The following RAPGEF6 variants were observed in gnomAD, a reference collection of about 807,000 sequenced individuals.
RAPGEF6 encodes PDZ domain containing guanine nucleotide exchange factor (GEF) 2.
A neutral mutation model predicts 171.4 loss-of-function variants in RAPGEF6; 56 were observed. The ratio of observed to expected loss-of-function variants is 0.33; its 90% CI spans 0.26 to 0.41. The LOEUF (loss-of-function observed/expected upper bound fraction) is 0.41. RAPGEF6 is among the 10% of genes least tolerant of loss of function. The probability of loss-of-function intolerance (pLI) is 1.00; values close to 1 mark genes in which losing one functional copy is unlikely to be tolerated. For missense variants in RAPGEF6, 1,674 were observed against 1,921.4 expected (o/e 0.87, Z 2.41); for synonymous variants, 692 against 650.1 (o/e 1.06, Z -0.98).
chr5:131,492,483 T>A (rs1756347150), intron 14 of RAPGEF6, 99 bp downstream of exon 14: 1 of 1,198,608 alleles, frequency 8.3e-7, no homozygotes, highest in African/African-American at 1.5e-5. Context: ...AGAAAAATAT[T>A]TCCTTAAACT....
chr5:131,498,683 C>T lies in RAPGEF6; in HGVS notation c.1255-76G>A, dbSNP rs1014426882. 52 of 1,297,028 alleles carry T rather than the reference C, an allele frequency of 4.0e-5. 1 individual carries two copies. The highest frequency in any genetic ancestry group is 3.6e-4 in the South Asian group (28 of 77,628). 80.3% of individuals were successfully genotyped at this position (1,297,028 alleles called of 1,614,324 possible). A position where few individuals can be genotyped will look rare whatever the true frequency, so the allele number is the denominator to read the frequency against. On this transcript the variant is annotated intron_variant, in intron 11 of 27. Coordinates refer to ENST00000509018, the MANE Select transcript of RAPGEF6 (RefSeq NM_016340.6). ...ACCAAAGAACTATTGTTGATTACTCCGCTTTGTAGCTACTCCATTAGACAA... is the reference window on the plus strand; with the variant it reads ...ACCAAAGAACTATTGTTGATTACTCTGCTTTGTAGCTACTCCATTAGACAA...
At chr5:131,571,411 G>C (rs1283461305) in intron 4 of RAPGEF6, among the ~76,000 whole-genome samples, 2 of 152,078 alleles carry the variant, frequency 1.3e-5, no homozygotes, top group Non-Finnish European at 2.9e-5. Context: ...AAATGAAGCT[G>C]TTTATTCACA....
chr5:131,469,464 T>C (rs1754599212), intron 17 of RAPGEF6, among the ~76,000 whole-genome samples: 1 of 152,130 alleles, frequency 6.6e-6, no homozygotes, highest in Admixed American at 6.5e-5. Context: ...CTGTAAGTTC[T>C]ACATGCAGAT....
At chr5:131,512,791 T>C (rs1042507514) in intron 7 of RAPGEF6, among the ~76,000 whole-genome samples, 1 of 152,120 alleles carries the variant, frequency 6.6e-6, no homozygotes, top group Non-Finnish European at 1.5e-5. Context: ...ATGGGATTAG[T>C]ATATAAGAAG....
intron 8 of RAPGEF6, among the ~76,000 whole-genome samples, chr5:131,508,665 T>A (rs1757521706): frequency 6.6e-6 from 1 of 152,210 alleles, no homozygotes; most frequent in South Asian, 2.1e-4. Flanking sequence ...TCAAGATTTG[T>A]CTAACTAACT....
At chr5:131,501,739 A>G (rs1419600339) in intron 11 of RAPGEF6, among the ~76,000 whole-genome samples, 5 of 152,096 alleles carry the variant, frequency 3.3e-5, no homozygotes, top group Admixed American at 3.3e-4. Context: ...AACAAGAGGC[A>G]TTGTTGGAGA....
chr5:131,502,867 C>T (rs1353786729), intron 11 of RAPGEF6, among the ~76,000 whole-genome samples: 18 of 151,716 alleles, frequency 1.2e-4, no homozygotes, highest in Admixed American at 1.1e-3. Context: ...GGTGTGATCT[C>T]GGCTCACTGC....
chr5:131,516,240 G>A (rs944392684), intron 7 of RAPGEF6, among the ~76,000 whole-genome samples: 1 of 151,846 alleles, frequency 6.6e-6, no homozygotes, highest in African/African-American at 2.4e-5. Flanking sequence ...GCCACCGCAC[G>A]TGGCTACTTT....
chr5:131,433,301 G>T, intron 25 of RAPGEF6, 129 bp downstream of exon 25: 2 of 704,562 alleles, frequency 2.8e-6, no homozygotes, highest in South Asian at 3.5e-5. Context: ...TATGTGCTTG[G>T]CCCACATATT....
chr5:131,471,686 C>T (rs1754748828), intron 17 of RAPGEF6, among the ~76,000 whole-genome samples: 1 of 151,822 alleles, frequency 6.6e-6, no homozygotes, highest in Non-Finnish European at 1.5e-5. Context: ...TTCTTTGTAA[C>T]AAAACTTTAG....
chr5:131,605,426 G>C (rs1764496192), intron 1 of RAPGEF6, among the ~76,000 whole-genome samples: 2 of 152,104 alleles, frequency 1.3e-5, no homozygotes, highest in Admixed American at 1.3e-4. Flanking sequence ...ACACCAACAT[G>C]GCACATGTAT....
At position 131,572,054 on chromosome 5, in the gene RAPGEF6, T is replaced by TTTCG. The variant is rs537659282; in HGVS notation, c.282-10008_282-10007insCGAA. Reference sequence around the variant, plus strand: ...AAGAACCTATGATAATCCCACCACCTTTCACTGACTCCTTTCTTGGACTCA... The same window carrying TTTCG: ...AAGAACCTATGATAATCCCACCACCTTTCGTTCACTGACTCCTTTCTTGGACTCA... On this transcript the variant is annotated intron_variant, in intron 4 of 27. Coordinates refer to ENST00000509018, the MANE Select transcript of RAPGEF6 (RefSeq NM_016340.6). Among the ~76,000 whole-genome samples the TTTCG allele has an allele frequency of 3.7e-3, 571 of 152,282 alleles. 4 individuals carry two copies. Among genetic ancestry groups the TTTCG allele is most frequent in the African/African-American group, 0.013 (541 of 41,558 alleles).
chr5:131,597,806 T>C lies in RAPGEF6; in HGVS notation c.198-5340A>G, dbSNP rs1049757594. On this transcript the variant is annotated intron_variant, in intron 3 of 27. Transcript: ENST00000509018. ...GGTGTTCCATTGCACAGTAGGATTA[T>C]TATGGTTAACAGTAAAGTACTGTAT... Among the ~76,000 whole-genome samples, 3 of 152,148 alleles carry C rather than the reference T, an allele frequency of 2.0e-5. No homozygotes were observed. The East Asian group carries it at 5.8e-4, about 29-fold the overall frequency.
chr5:131,493,869 T>C, intron 13 of RAPGEF6, among the ~76,000 whole-genome samples: 1 of 152,220 alleles, frequency 6.6e-6, no homozygotes, highest in Admixed American at 6.5e-5. Flanking sequence ...ACTCAAATGA[T>C]AGTGGAGTAC....
chr5:131,470,900 G>A (rs1025423606), intron 17 of RAPGEF6, among the ~76,000 whole-genome samples: 2 of 152,198 alleles, frequency 1.3e-5, no homozygotes, highest in Non-Finnish European at 2.9e-5. Flanking sequence ...AAGGAGGGTT[G>A]AAGTAATAGT....
intron 1 of RAPGEF6, among the ~76,000 whole-genome samples, chr5:131,606,356 T>C (rs1295999059): frequency 1.0e-5 from 1 of 96,870 alleles, no homozygotes; most frequent in Non-Finnish European, 1.9e-5. Flanking sequence ...TGAGACTCCA[T>C]CTCAAGGGAA....
At chr5:131,550,722 G>A (rs1760869855) in intron 5 of RAPGEF6, among the ~76,000 whole-genome samples, 2 of 152,140 alleles carry the variant, frequency 1.3e-5, no homozygotes, top group Non-Finnish European at 2.9e-5. Flanking sequence ...GACCTCGATT[G>A]GCTTATTGTG....
intron 1 of RAPGEF6, among the ~76,000 whole-genome samples, chr5:131,631,766 G>C (rs1475702386): frequency 6.6e-6 from 1 of 152,090 alleles, no homozygotes; most frequent in Non-Finnish European, 1.5e-5. Flanking sequence ...GGGCAATATA[G>C]TGAGACCCTC....
chr5:131,511,856 G>C (rs888477528), intron 7 of RAPGEF6, among the ~76,000 whole-genome samples: 3 of 152,096 alleles, frequency 2.0e-5, no homozygotes, highest in African/African-American at 7.2e-5. Context: ...AGAGATTACA[G>C]TGGGAAACAG....
Sources: allele counts gnomAD v4.1 joint callset (sites outside exome capture counted in the v4.1 genomes callset), GRCh38; gene constraint gnomAD v4.1.1; transcripts MANE v1.5; gene names NCBI Gene and HGNC (gene_info 2026-07-23, HGNC 2026-07-21).